Variants in PFKM observed in about 807,000 individuals in gnomAD.
PFKM encodes the protein ATP-dependent 6-phosphofructokinase, muscle type.
A neutral mutation model predicts 95.5 loss-of-function variants in PFKM; 58 were observed. The ratio of observed to expected loss-of-function variants is 0.61; its 90% confidence interval spans 0.49 to 0.76. The LOEUF (loss-of-function observed/expected upper bound fraction) is 0.76, where lower values mean the gene tolerates loss of function less well. PFKM is among the 30% of genes least tolerant of loss of function. The pLI is 0.00. For missense variants in PFKM, 678 were observed against 1,005.4 expected (o/e 0.67, Z 4.40); for synonymous variants, 336 against 357.2 (o/e 0.94, Z 0.67).
At chr12:48,116,539 C>T (rs954739171), upstream of PFKM, among the ~76,000 whole-genome samples, 2 of 152,084 alleles carry the variant, frequency 1.3e-5, no homozygotes, top group Non-Finnish European at 2.9e-5. Context: ...AGTGTGGTGG[C>T]GCAATCTCGG....
chr12:48,108,492 T>A (rs1294601665), intron 3 of PFKM, among the ~76,000 whole-genome samples: 1 of 152,208 alleles, frequency 6.6e-6, no homozygotes, highest in East Asian at 1.9e-4. Context: ...ATCAATTGGC[T>A]CATAACTGTA....
At chr12:48,106,109 C>A (rs1449261033) in exon 1 of PFKM, 2 of 702,608 alleles carry the variant, frequency 2.8e-6, no homozygotes, top group Non-Finnish European at 5.2e-6. Flanking sequence ...GAACCGGAAC[C>A]GCCTTCACAG....
Position 48,106,064 on chromosome 12 carries a change from G to A in PFKM, c.-83G>A, listed in dbSNP as rs1391533426. ...CGGCTGCCATGCGAAGGGGTTTCCG[G>A]CCGGGCGCGGAACGCAAAACCCGGG... On this transcript the variant is annotated 5_prime_UTR_variant, in exon 1 of 25. Transcript: ENST00000340802. 2.4e-5 allele frequency: 17 copies of A among 702,322 alleles called. No individual in the cohort carries two copies. In the Admixed American group the frequency reaches 3.4e-4, roughly 14 times the overall value. 43.5% of individuals were successfully genotyped at this position (702,322 alleles called of 1,614,324 possible). A position where few individuals can be genotyped will look rare whatever the true frequency, so the allele number is the denominator to read the frequency against.
chr12:48,144,918 T>A (rs1349393571), intron 20 of PFKM, 113 bp from the exon 21 acceptor site: 6 of 784,524 alleles, frequency 7.6e-6, no homozygotes, highest in African/African-American at 6.9e-5. Flanking sequence ...TCTGGATTCC[T>A]GTTTTGGGCT....
At chr12:48,111,264 C>T (rs910824063) in intron 3 of PFKM, among the ~76,000 whole-genome samples, 3 of 152,214 alleles carry the variant, frequency 2.0e-5, no homozygotes, top group Non-Finnish European at 4.4e-5. Context: ...TAAGAGCTTT[C>T]TATCATATTT....
At chr12:48,143,924 A>AG in intron 19 of PFKM, 110 bp downstream of exon 19, 3 of 1,096,854 alleles carry the variant, frequency 2.7e-6, no homozygotes, top group South Asian at 2.5e-5. Flanking sequence ...ATATAAAGGG[A>AG]GGGGGCCAGC....
intron 14 of PFKM, 146 bp from the exon 15 acceptor site, chr12:48,141,165 T>C: frequency 1.3e-6 from 1 of 774,572 alleles, no homozygotes; most frequent in Non-Finnish European, 2.3e-6. Context: ...AGAAGTTGAG[T>C]GCGTGGGGAA....
At chr12:48,138,089 A>G (rs1156872501) in intron 11 of PFKM, among the ~76,000 whole-genome samples, 1 of 152,212 alleles carries the variant, frequency 6.6e-6, no homozygotes, top group Non-Finnish European at 1.5e-5. Flanking sequence ...CTCCTTAGTA[A>G]TGAAACCCAG....
At chr12:48,142,134 C>A in intron 17 of PFKM, 68 bp downstream of exon 17, 1 of 1,419,762 alleles carries the variant, frequency 7.0e-7, no homozygotes, top group Non-Finnish European at 1.0e-6. Context: ...AGTGTGGTCC[C>A]AAACAGTGAG....
At chr12:48,140,647 C>A in intron 13 of PFKM, 75 bp from the exon 14 acceptor site, 3 of 1,420,330 alleles carry the variant, frequency 2.1e-6, no homozygotes, top group Non-Finnish European at 3.0e-6. Flanking sequence ...AGAGCCCTTG[C>A]CCTCCTTTAC....
intron 10 of PFKM, 45 bp from the exon 11 acceptor site, chr12:48,137,675 TG>T: frequency 6.2e-7 from 1 of 1,613,658 alleles, no homozygotes; most frequent in East Asian, 2.2e-5. Flanking sequence ...TGAGCCAAGA[TG>T]GGGCAGCCTG....
Position 48,122,923 on chromosome 12 carries a change from C to G in PFKM, c.85+64C>G, listed in dbSNP as rs570346968. The G allele has an allele frequency of 6.4e-5, 94 of 1,464,958 alleles. No individual in the cohort carries two copies. In the Middle Eastern group the frequency reaches 8.7e-4, roughly 14 times the overall value. The allele number at this position is 1,464,958 out of a possible 1,614,324, so 90.7% of individuals were successfully genotyped here. On this transcript the variant is annotated intron_variant, in intron 2 of 22. Coordinates refer to ENST00000359794, the MANE Select transcript of PFKM (RefSeq NM_000289.6). ...TTTGGAATTTACTGACTCCCTTAGCCTATACAATAGAATTATTCTTCTGTA... is the reference window on the plus strand; with the variant it reads ...TTTGGAATTTACTGACTCCCTTAGCGTATACAATAGAATTATTCTTCTGTA...
At chr12:48,128,393 T>C (rs894884337) in intron 2 of PFKM, among the ~76,000 whole-genome samples, 1 of 152,144 alleles carries the variant, frequency 6.6e-6, no homozygotes, top group Admixed American at 6.5e-5. Flanking sequence ...GGATGCACCA[T>C]TGTACTTGGC....
intron 4 of PFKM, chr12:48,132,138 C>T (rs1949564779): frequency 4.4e-6 from 2 of 452,816 alleles, no homozygotes; most frequent in African/African-American, 2.0e-5. Flanking sequence ...CAGAATTCTC[C>T]ACCAGTATCC....
intron 1 of PFKM, among the ~76,000 whole-genome samples, chr12:48,106,736 G>A (rs1946667804): frequency 6.6e-6 from 1 of 151,404 alleles, no homozygotes; most frequent in Admixed American, 6.6e-5. Context: ...GCAACTTGAG[G>A]ACGGATTAGG....
chr12:48,140,877 G>A lies in PFKM; in HGVS notation c.1341+6G>A. On this transcript the variant is annotated splice_donor_region_variant and intron_variant, in intron 14 of 22. Coordinates refer to ENST00000359794, the MANE Select transcript of PFKM (RefSeq NM_000289.6). ...AGGGCCTGGCCAAGGGGCAGGTATGGGGACTATTCTGGGACCTAGGAGCAG... is the reference window on the plus strand; with the variant it reads ...AGGGCCTGGCCAAGGGGCAGGTATGAGGACTATTCTGGGACCTAGGAGCAG... 6.2e-7 allele frequency: 1 copy of A among 1,614,010 alleles called. No individual in the cohort carries two copies. Among genetic ancestry groups the A allele is most frequent in the Non-Finnish European group, 8.5e-7 (1 of 1,179,978 alleles).
In PFKM at chr12:48,137,898, G is replaced by A. The variant is rs749435074; in HGVS notation, c.1062+52G>A. 3 of 1,601,782 alleles carry A rather than the reference G, an allele frequency of 1.9e-6. No individual in the cohort carries two copies. The South Asian group carries it at 3.3e-5, about 18-fold the overall frequency. On this transcript the variant is annotated intron_variant, in intron 11 of 22. Transcript: ENST00000359794. ...TTAACACTCTCAAGCCCCTGCCTTG[G>A]AGCTCAAGGGGCATGAGACTATGTC...
chr12:48,145,086 C>A lies in PFKM; in HGVS notation c.2048C>A (p.Ala683Asp). 1 of 1,614,126 alleles carries A rather than the reference C, an allele frequency of 6.2e-7. No individual in the cohort carries two copies. The highest frequency in any genetic ancestry group is 1.6e-4 in the Middle Eastern group (1 of 6,062). The change falls in exon 21 of 23, where the codon GCT becomes GAT. Residue 683 changes from alanine to aspartate, a missense_variant. Transcript: ENST00000359794. The surrounding 1 kb of genome is among the most constrained non-coding windows in gnomAD (Gnocchi z 4.3). ...RNFATKMGAK[A>D]MNWMSGKIKE... ...TTTGCCACTAAGATGGGCGCCAAGGCTATGAACTGGATGTCTGGGAAAATC... is the reference window on the plus strand; with the variant it reads ...TTTGCCACTAAGATGGGCGCCAAGGATATGAACTGGATGTCTGGGAAAATC...
chr12:48,132,435 ATAC>A (rs1949605314), intron 4 of PFKM, among the ~76,000 whole-genome samples: 1 of 152,238 alleles, frequency 6.6e-6, no homozygotes, highest in Admixed American at 6.5e-5. Flanking sequence ...GAGAGGAAAA[ATAC>A]TACAAAACAC....
Sources: gnomAD v4.1 joint callset for allele counts (sites outside exome capture counted in the v4.1 genomes callset) on GRCh38, gnomAD v4.1.1 for gene constraint, Gnocchi (gnomAD v3.1) non-coding constraint, MANE v1.5 for transcripts, NCBI Gene and HGNC (gene_info 2026-07-23, HGNC 2026-07-21) for gene names.